ALK: variants seen among roughly 807,000 people sequenced by gnomAD.
ALK encodes ALK tyrosine kinase receptor.
In ALK, 74 loss-of-function variants were observed where a neutral mutation model predicts 163.1. The ratio of observed to expected loss-of-function variants is 0.45; its 90% CI spans 0.38 to 0.55. The LOEUF is 0.55. Ranked by LOEUF, ALK falls within the 20% of genes least tolerant of loss-of-function variation. ALK has a pLI of 0.00. For synonymous variants in ALK, 960 were observed against 843.2 expected, an observed-to-expected ratio of 1.14 and a Z score of -2.40; for missense variants, 2,063 against 2,105.3, an observed-to-expected ratio of 0.98 and a Z score of 0.39.
At chr2:29,735,030 T>G (rs1679853691) in intron 1 of ALK, among the ~76,000 whole-genome samples, 1 of 152,206 alleles carries the variant, frequency 6.6e-6, no homozygotes, top group African/African-American at 2.4e-5. Flanking sequence ...TATTTTTTTA[T>G]TACAAAAACC....
rs577510946 is a variant in ALK at position 29,299,317 on chromosome 2, C to A, written c.1648-2260G>T. ...CAACAACTGTCGATGGTTTCTCATG[C>A]CCTGTCAAAAATTATGGCATTTACA... On this transcript the variant is annotated intron_variant, in intron 8 of 28. Coordinates refer to ENST00000389048, the MANE Select transcript of ALK (RefSeq NM_004304.5). 5.4e-4 allele frequency among the ~76,000 whole-genome samples: 82 copies of A among 152,274 alleles called. No individual in the cohort carries two copies. In the Middle Eastern group the frequency reaches 0.01, roughly 19 times the overall value.
chr2:29,430,545 A>C (rs1670248119), intron 4 of ALK, among the ~76,000 whole-genome samples: 1 of 152,204 alleles, frequency 6.6e-6, no homozygotes, highest in Non-Finnish European at 1.5e-5. Context: ...GCTGTGTTCC[A>C]ACAAAATTTT....
At chr2:29,863,194 A>G (rs781273987) in intron 1 of ALK, among the ~76,000 whole-genome samples, 1 of 152,230 alleles carries the variant, frequency 6.6e-6, no homozygotes, top group Non-Finnish European at 1.5e-5. Flanking sequence ...GCTTTTTGAC[A>G]TTCATTTGGG....
chr2:29,354,270 C>T (rs183023406), intron 5 of ALK, among the ~76,000 whole-genome samples: 130 of 152,334 alleles, frequency 8.5e-4, no homozygotes, highest in Admixed American at 2.5e-3. Context: ...GTGGTCTCTG[C>T]GCTGCGTGAC....
At chr2:29,293,371 G>A (rs1246907950) in intron 9 of ALK, among the ~76,000 whole-genome samples, 2 of 152,116 alleles carry the variant, frequency 1.3e-5, no homozygotes, top group East Asian at 3.8e-4. Context: ...AAAGATTCAG[G>A]AAGCAGTGAT....
chr2:29,853,578 C>T (rs1029083080), intron 1 of ALK, among the ~76,000 whole-genome samples: 3 of 152,208 alleles, frequency 2.0e-5, no homozygotes, highest in Admixed American at 2.0e-4. Flanking sequence ...TCCTTCCTGC[C>T]TCCCACCTCT....
At chr2:29,470,038 G>A (rs1454497025) in intron 4 of ALK, among the ~76,000 whole-genome samples, 6 of 151,984 alleles carry the variant, frequency 3.9e-5, no homozygotes, top group South Asian at 2.1e-4. Flanking sequence ...ATTAGAAAAC[G>A]GGAATTTATA....
At chr2:29,651,082 A>G (rs1050346261) in intron 3 of ALK, among the ~76,000 whole-genome samples, 10 of 152,236 alleles carry the variant, frequency 6.6e-5, no homozygotes, top group Non-Finnish European at 1.3e-4. Context: ...GGGTGTTTGC[A>G]GAAATCTCAG....
intron 3 of ALK, among the ~76,000 whole-genome samples, chr2:29,691,729 T>C (rs1455825681): frequency 6.6e-6 from 1 of 152,132 alleles, no homozygotes; most frequent in Non-Finnish European, 1.5e-5. Flanking sequence ...TAGCACTCAG[T>C]GTATTGTGCG....
intron 1 of ALK, among the ~76,000 whole-genome samples, chr2:29,867,576 T>C (rs1666466974): frequency 6.6e-6 from 1 of 152,130 alleles, no homozygotes; most frequent in African/African-American, 2.4e-5. Flanking sequence ...TAACTTGGGA[T>C]GTGTTTTAAA....
chr2:29,199,236 G>GAAAC (rs1297638998), intron 26 of ALK, among the ~76,000 whole-genome samples: 2 of 152,174 alleles, frequency 1.3e-5, no homozygotes, highest in African/African-American at 4.8e-5. Flanking sequence ...TTACAGATGT[G>GAAAC]AAACACCGCA....
At chr2:29,903,082 C>T (rs1334609183) in intron 1 of ALK, among the ~76,000 whole-genome samples, 1 of 152,086 alleles carries the variant, frequency 6.6e-6, no homozygotes, top group Non-Finnish European at 1.5e-5. Flanking sequence ...ACTCAAAATC[C>T]TATATTTTTT....
At chr2:29,445,679 G>A (rs576368406) in intron 4 of ALK, among the ~76,000 whole-genome samples, 57 of 152,252 alleles carry the variant, frequency 3.7e-4, no homozygotes, top group African/African-American at 4.8e-4. Flanking sequence ...AAAATTAGCC[G>A]GGTGTGGTGG....
rs11682705 is a variant in ALK, at chr2:29,897,418, C to T, written c.667+22575G>A. ...AAAAGGAGAGTACATTCACATGTCA[C>T]TTTCATAAATAATACTTCAGTTTAA... On this transcript the variant is annotated intron_variant, in intron 1 of 28. Coordinates refer to ENST00000389048, the MANE Select transcript of ALK (RefSeq NM_004304.5). 3.0e-3 allele frequency among the ~76,000 whole-genome samples: 453 copies of T among 152,090 alleles called. 2 individuals are homozygous for T. Among genetic ancestry groups the T allele is most frequent in the Middle Eastern group, 6.8e-3 (2 of 294 alleles).
intron 1 of ALK, among the ~76,000 whole-genome samples, chr2:29,825,902 T>C (rs142639941): frequency 2.6e-5 from 4 of 152,110 alleles, no homozygotes; most frequent in African/African-American, 9.7e-5. Context: ...GGCAATTGGA[T>C]GTTTAGGTGG....
chr2:29,735,090 G>C (rs1679854923), intron 1 of ALK, among the ~76,000 whole-genome samples: 1 of 152,118 alleles, frequency 6.6e-6, no homozygotes, highest in South Asian at 2.1e-4. Context: ...GAAATTAAAA[G>C]GGTCAGTTTC....
chr2:29,625,565 G>C (rs1247638996), intron 3 of ALK, among the ~76,000 whole-genome samples: 1 of 152,178 alleles, frequency 6.6e-6, no homozygotes, highest in African/African-American at 2.4e-5. Flanking sequence ...GTGTAGACAT[G>C]TGTCCCTTAA....
intron 1 of ALK, chr2:29,890,484 AG>A (rs1395493095): frequency 6.6e-6 from 1 of 152,248 alleles, no homozygotes; most frequent in African/African-American, 2.4e-5. Flanking sequence ...CAAACATTTT[AG>A]GGGACAGGAT....
intron 1 of ALK, among the ~76,000 whole-genome samples, chr2:29,902,228 G>GT (rs940177720): frequency 6.6e-6 from 1 of 152,036 alleles, no homozygotes; most frequent in African/African-American, 2.4e-5. Flanking sequence ...CCTCCCCAAT[G>GT]TTTTTTCTTC....
Sources: gnomAD v4.1 joint callset for allele counts (sites outside exome capture counted in the v4.1 genomes callset) on GRCh38, gnomAD v4.1.1 for gene constraint, MANE v1.5 for transcripts, NCBI Gene and HGNC (gene_info 2026-07-23, HGNC 2026-07-21) for gene names.